CLMP: variants seen among roughly 807,000 people sequenced by gnomAD.
CLMP encodes the protein CXADR-like membrane protein.
CLMP carries 27 observed loss-of-function variants against 45.2 expected under a neutral mutation model. The observed-to-expected ratio is 0.60, with a 90% confidence interval of 0.44 to 0.82. The LOEUF (loss-of-function observed/expected upper bound fraction) is 0.82. Among genes scored for constraint, CLMP ranks in the 40% least tolerant of loss-of-function variants. CLMP has a pLI of 0.00. For synonymous variants in CLMP, 167 were observed against 171.4 expected (o/e 0.97, Z 0.20); for missense variants, 403 against 448.4 (o/e 0.90, Z 0.91).
intron 1 of CLMP, among the ~76,000 whole-genome samples, chr11:123,148,188 A>G (rs562930950): frequency 4.6e-5 from 7 of 152,280 alleles, no homozygotes; most frequent in Admixed American, 2.6e-4. Context: ...TTTAAGTGCT[A>G]CGTAAGTGTA....
At position 123,077,617 on chromosome 11, in the gene CLMP, G is replaced by A. The variant is rs576885783; in HGVS notation, c.680-2774C>T. Among the ~76,000 whole-genome samples, 53 of 152,228 alleles carry A rather than the reference G, an allele frequency of 3.5e-4. 1 individual carries two copies. The South Asian group carries it at 0.011, about 32-fold the overall frequency. On this transcript the variant is annotated intron_variant, in intron 5 of 6. Transcript: ENST00000448775. ...TTGGGGTTACAGGTGTGAGCCACAT[G>A]CCCAGCCAAAATTTCATTTTTTAAA...
intron 1 of CLMP, among the ~76,000 whole-genome samples, chr11:123,163,535 TG>T (rs1214691419): frequency 1.3e-5 from 2 of 152,176 alleles, no homozygotes; most frequent in Non-Finnish European, 2.9e-5. Flanking sequence ...AAGCGTGGCC[TG>T]GGGACCAGCA....
At chr11:123,149,534 C>T (rs879595079) in intron 1 of CLMP, among the ~76,000 whole-genome samples, 4 of 152,166 alleles carry the variant, frequency 2.6e-5, no homozygotes, top group Non-Finnish European at 5.9e-5. Flanking sequence ...CCAAGGGGAG[C>T]AAAATGGCCC....
chr11:123,165,465 C>T (rs1245674248), intron 1 of CLMP, among the ~76,000 whole-genome samples: 1 of 152,132 alleles, frequency 6.6e-6, no homozygotes, highest in Non-Finnish European at 1.5e-5. Context: ...AATACTCTAG[C>T]CCTGTTCCTG....
At chr11:123,193,203 T>C (rs1279067005) in intron 1 of CLMP, 1 of 152,252 alleles carries the variant, frequency 6.6e-6, no homozygotes, top group Non-Finnish European at 1.5e-5. Flanking sequence ...CCCCTAATTA[T>C]GAGTGTGTGG....
chr11:123,156,716 T>C (rs1219167612), intron 1 of CLMP, among the ~76,000 whole-genome samples: 7 of 152,104 alleles, frequency 4.6e-5, no homozygotes, highest in Admixed American at 4.6e-4. Context: ...GGTGGAGAAA[T>C]GTGAGGGGGA....
At chr11:123,122,514 G>A (rs1369460689) in intron 1 of CLMP, among the ~76,000 whole-genome samples, 2 of 152,176 alleles carry the variant, frequency 1.3e-5, no homozygotes, top group African/African-American at 4.8e-5. Flanking sequence ...TACTCAGGAA[G>A]CTCATGTGGG....
chr11:123,194,876 C>G (rs115214371), intron 1 of CLMP, 37 bp downstream of exon 1: 55 of 1,612,316 alleles, frequency 3.4e-5, no homozygotes, highest in Non-Finnish European at 4.2e-5. Context: ...CGTTTGCCCA[C>G]GGCCATCCAA....
At chr11:123,078,744 A>T (rs1865768989) in intron 5 of CLMP, among the ~76,000 whole-genome samples, 2 of 149,306 alleles carry the variant, frequency 1.3e-5, no homozygotes, top group Admixed American at 1.3e-4. Context: ...TCCCGGGTTC[A>T]CACCATTCTC....
chr11:123,176,195 A>T (rs10892977), intron 1 of CLMP, among the ~76,000 whole-genome samples: 4 of 151,990 alleles, frequency 2.6e-5, no homozygotes, highest in African/African-American at 7.3e-5. Context: ...GCTTCTTTTT[A>T]GGAATAATTT....
At chr11:123,133,513 A>C (rs765084400) in intron 1 of CLMP, among the ~76,000 whole-genome samples, 6 of 152,124 alleles carry the variant, frequency 3.9e-5, no homozygotes, top group Non-Finnish European at 7.4e-5. Context: ...TTTCTTGGCT[A>C]TAAACTTCCA....
intron 1 of CLMP, among the ~76,000 whole-genome samples, chr11:123,153,901 G>T (rs1861376261): frequency 1.3e-5 from 2 of 149,152 alleles, no homozygotes; most frequent in Non-Finnish European, 3.0e-5. Context: ...GGCCAGGCTG[G>T]TCTCGAACTC....
intron 1 of CLMP, among the ~76,000 whole-genome samples, chr11:123,143,409 T>C (rs1861192595): frequency 6.6e-6 from 1 of 152,152 alleles, no homozygotes; most frequent in Admixed American, 6.5e-5. Context: ...GGTGATGGGC[T>C]GTCAATTCCA....
chr11:123,073,830 A>G (rs1865703803), intron 6 of CLMP, 56 bp from the exon 7 acceptor site: 3 of 1,507,036 alleles, frequency 2.0e-6, no homozygotes, highest in African/African-American at 2.8e-5. Flanking sequence ...TGCTTCCAGT[A>G]TGATTGCTTC....
At chr11:123,146,033 C>T (rs1861234351) in intron 1 of CLMP, among the ~76,000 whole-genome samples, 1 of 152,192 alleles carries the variant, frequency 6.6e-6, no homozygotes, top group Non-Finnish European at 1.5e-5. Flanking sequence ...TAGGGCAGGG[C>T]CAGCTGTGTG....
At chr11:123,194,764 G>A (rs1279410715) in intron 1 of CLMP, 149 bp downstream of exon 1, 2 of 925,560 alleles carry the variant, frequency 2.2e-6, no homozygotes, top group East Asian at 5.5e-5. Context: ...GTTGCCAGAT[G>A]TGCTCCTCCG....
At chr11:123,186,686 C>G (rs1861839691) in intron 1 of CLMP, among the ~76,000 whole-genome samples, 1 of 152,132 alleles carries the variant, frequency 6.6e-6, no homozygotes, top group African/African-American at 2.4e-5. Flanking sequence ...CCACACCAGG[C>G]TCATTTTTAT....
At chr11:123,184,395 G>A (rs1347081250) in intron 1 of CLMP, among the ~76,000 whole-genome samples, 5 of 152,152 alleles carry the variant, frequency 3.3e-5, no homozygotes, top group Admixed American at 6.5e-5. Context: ...GTGCCCAGCC[G>A]AAATAATATT....
intron 1 of CLMP, among the ~76,000 whole-genome samples, chr11:123,106,557 G>T (rs977473630): frequency 6.6e-6 from 1 of 152,148 alleles, no homozygotes; most frequent in East Asian, 1.9e-4. Flanking sequence ...AGTAGTGGCT[G>T]TAAGACCAAT....
Sources: allele counts gnomAD v4.1 joint callset (sites outside exome capture counted in the v4.1 genomes callset), GRCh38; gene constraint gnomAD v4.1.1; transcripts MANE v1.5; gene names NCBI Gene and HGNC (gene_info 2026-07-23, HGNC 2026-07-21).